DYTN: variants seen among roughly 807,000 people sequenced by gnomAD.
The protein encoded by DYTN is dystrotelin.
A neutral mutation model predicts 69.6 loss-of-function variants in DYTN; 75 were observed. The ratio of observed to expected loss-of-function variants is 1.08; its 90% CI spans 0.89 to 1.31. The LOEUF is 1.31. Ranked by LOEUF, DYTN falls within the 50% of genes most tolerant of loss-of-function variation. The pLI is 0.00. For missense variants in DYTN, 726 were observed against 688.4 expected (o/e 1.05, Z -0.61); for synonymous variants, 252 against 249.1 (o/e 1.01, Z -0.11).
chr2:206,681,326 C>T (rs957530575), intron 9 of DYTN, among the ~76,000 whole-genome samples: 2 of 152,108 alleles, frequency 1.3e-5, no homozygotes, highest in East Asian at 1.9e-4. Flanking sequence ...CAGACAGAGA[C>T]AATTTGACTT....
chr2:206,653,193 T>G (rs1333503011), intron 11 of DYTN, among the ~76,000 whole-genome samples: 1 of 152,214 alleles, frequency 6.6e-6, no homozygotes, highest in Non-Finnish European at 1.5e-5. Flanking sequence ...ACATCGTTTC[T>G]CAGGCCACAG....
At chr2:206,700,105 T>C (rs1481917587) in intron 6 of DYTN, 40 bp downstream of exon 6, 2 of 1,610,444 alleles carry the variant, frequency 1.2e-6, no homozygotes. Context: ...CAATACACCG[T>C]GTCTGTCCCC....
intron 9 of DYTN, among the ~76,000 whole-genome samples, chr2:206,690,605 C>G (rs1040143283): frequency 1.3e-5 from 2 of 152,070 alleles, no homozygotes; most frequent in Admixed American, 6.5e-5. Flanking sequence ...GAGACTCACT[C>G]GGAGTTCAAA....
At chr2:206,670,503 T>C (rs1699618645) in intron 9 of DYTN, 1 of 152,168 alleles carries the variant, frequency 6.6e-6, no homozygotes, top group Non-Finnish European at 1.5e-5. Context: ...TCTTTCTCTA[T>C]GGAGAGCATT....
chr2:206,665,868 A>G lies in DYTN; in HGVS notation c.1140+2T>C. ...ATGGCCAGTGTCCCTCACATTTTAT[A>G]CCTGTAGGTCCCGTCTTATCTGTTG... is the stretch of plus-strand genomic sequence containing the variant. On this transcript the variant is annotated splice_donor_variant, in intron 10 of 11. Coordinates refer to ENST00000452335, the MANE Select transcript of DYTN (RefSeq NM_001093730.1). LOFTEE classifies it high-confidence loss of function. 1 of 1,613,134 alleles carries G rather than the reference A, an allele frequency of 6.2e-7. No individual in the cohort carries two copies. Among genetic ancestry groups the G allele is most frequent in the Non-Finnish European group, 8.5e-7 (1 of 1,179,558 alleles).
chr2:206,675,137 G>GTT (rs1699670350), intron 9 of DYTN, among the ~76,000 whole-genome samples: 1 of 139,958 alleles, frequency 7.1e-6, no homozygotes, highest in African/African-American at 2.7e-5. Context: ...GTGTGTGTGT[G>GTT]TGTGTGTGTA....
chr2:206,679,568 G>C (rs139933374), intron 9 of DYTN, among the ~76,000 whole-genome samples: 1 of 152,238 alleles, frequency 6.6e-6, no homozygotes, highest in African/African-American at 2.4e-5. Context: ...GGTATATTCT[G>C]TTATACAATT....
In DYTN at chr2:206,678,725, A is replaced by G. The variant is rs75634818; in HGVS notation, c.981-12696T>C. On this transcript the variant is annotated intron_variant, in intron 9 of 11. Coordinates refer to ENST00000452335, the MANE Select transcript of DYTN (RefSeq NM_001093730.1). The stretch of plus-strand genomic sequence containing the variant: ...TCTAAGCTAATTTTAAAATGTTTAT[A>G]GGAAAGGAAGTATACCAAAATATTG... 5.6e-3 allele frequency among the ~76,000 whole-genome samples: 857 copies of G among 152,338 alleles called. 31 individuals are homozygous for G. In the East Asian group the frequency reaches 0.086, roughly 15 times the overall value.
intron 9 of DYTN, among the ~76,000 whole-genome samples, chr2:206,680,705 G>T (rs372221715): frequency 6.6e-6 from 1 of 152,104 alleles, no homozygotes; most frequent in Non-Finnish European, 1.5e-5. Flanking sequence ...CAAATCTTGT[G>T]TATATTTTAA....
intron 9 of DYTN, among the ~76,000 whole-genome samples, chr2:206,673,933 A>T (rs1699655033): frequency 6.6e-6 from 1 of 152,226 alleles, no homozygotes; most frequent in South Asian, 2.1e-4. Context: ...ATCACTATTG[A>T]GTCTTCTAAT....
At chr2:206,710,724 G>T in intron 1 of DYTN, 126 bp from the exon 2 acceptor site, 1 of 700,174 alleles carries the variant, frequency 1.4e-6, no homozygotes, top group Non-Finnish European at 2.2e-6. Context: ...TTAAGGTTTA[G>T]AGCTCTTTTT....
intron 9 of DYTN, among the ~76,000 whole-genome samples, chr2:206,674,996 G>T (rs1699667871): frequency 1.3e-5 from 2 of 151,388 alleles, no homozygotes; most frequent in Non-Finnish European, 2.9e-5. Context: ...AAAAATAGTT[G>T]CCCCATTATC....
intron 11 of DYTN, among the ~76,000 whole-genome samples, chr2:206,660,668 T>A (rs1212750781): frequency 6.6e-6 from 1 of 152,212 alleles, no homozygotes; most frequent in Non-Finnish European, 1.5e-5. Context: ...GAATTTTGCG[T>A]CAGCTTAAGA....
intron 7 of DYTN, among the ~76,000 whole-genome samples, chr2:206,696,003 A>C (rs754296676): frequency 2.0e-5 from 3 of 152,228 alleles, no homozygotes; most frequent in Non-Finnish European, 4.4e-5. Context: ...CTTGCGGCAA[A>C]ACTTTGACAT....
chr2:206,717,028 T>G (rs1700136030), intron 1 of DYTN, among the ~76,000 whole-genome samples: 1 of 125,530 alleles, frequency 8.0e-6, no homozygotes, highest in African/African-American at 3.0e-5. Context: ...TTTACATTTT[T>G]TTTCTGCCGA....
intron 3 of DYTN, 130 bp from the exon 4 acceptor site, chr2:206,706,003 C>A: frequency 1.2e-6 from 1 of 850,220 alleles, no homozygotes. Flanking sequence ...TTTTTGTGGC[C>A]TCTTATCCTA....
intron 7 of DYTN, among the ~76,000 whole-genome samples, chr2:206,698,165 T>C (rs1356925629): frequency 3.9e-5 from 6 of 152,196 alleles, no homozygotes; most frequent in Non-Finnish European, 5.9e-5. Context: ...CTTTGTTGTA[T>C]GAGGATTTCT....
intron 1 of DYTN, among the ~76,000 whole-genome samples, chr2:206,714,299 T>C (rs2105903618): frequency 6.6e-6 from 1 of 152,216 alleles, no homozygotes; most frequent in South Asian, 2.1e-4. Context: ...ACCTCCCGGG[T>C]TCATGCCAAT....
intron 5 of DYTN, among the ~76,000 whole-genome samples, chr2:206,702,093 C>T (rs1156898677): frequency 6.6e-6 from 1 of 152,202 alleles, no homozygotes; most frequent in African/African-American, 2.4e-5. Flanking sequence ...TATATTTCAA[C>T]GGCTCAATCT....
Sources: gnomAD v4.1 joint callset for allele counts (sites outside exome capture counted in the v4.1 genomes callset) on GRCh38, gnomAD v4.1.1 for gene constraint, MANE v1.5 for transcripts, NCBI Gene and HGNC (gene_info 2026-07-23, HGNC 2026-07-21) for gene names.